The following MALRD1 variants were observed in gnomAD, a reference collection of about 807,000 sequenced individuals.
MALRD1 encodes MAM and LDL receptor class A domain containing 1, also known as MAM and LDL-receptor class A domain-containing protein 1.
A neutral mutation model predicts 242.1 loss-of-function variants in MALRD1; 247 were observed. That is an observed-to-expected ratio of 1.02 (90% CI 0.92 to 1.13). The LOEUF (loss-of-function observed/expected upper bound fraction) is 1.13, where lower values mean the gene tolerates loss of function less well. Ranked by LOEUF, MALRD1 falls within the 50% of genes most tolerant of loss-of-function variation. MALRD1 has a pLI of 0.00. For missense variants in MALRD1, 2,989 were observed against 2,533.1 expected (o/e 1.18, Z -3.86); for synonymous variants, 995 against 866.6 (o/e 1.15, Z -2.60).
chr10:19,426,154 C>G (rs1483720163), intron 28 of MALRD1, among the ~76,000 whole-genome samples: 2 of 152,100 alleles, frequency 1.3e-5, no homozygotes, highest in African/African-American at 4.8e-5. Context: ...ATGTTAGAAG[C>G]TTTAAATCCT....
chr10:19,218,980 T>C (rs540377353), intron 18 of MALRD1, among the ~76,000 whole-genome samples: 15 of 152,172 alleles, frequency 9.9e-5, no homozygotes, highest in African/African-American at 3.4e-4. Flanking sequence ...AGTAATCTAA[T>C]TATTTTGACT....
At chr10:19,061,104 A>C (rs1197508323) in intron 1 of MALRD1, among the ~76,000 whole-genome samples, 1 of 152,144 alleles carries the variant, frequency 6.6e-6, no homozygotes, top group Non-Finnish European at 1.5e-5. Flanking sequence ...AACAACACAC[A>C]CTGGGGCCTG....
intron 1 of MALRD1, chr10:19,051,449 T>A (rs752324783): frequency 5.9e-6 from 1 of 168,158 alleles, no homozygotes; most frequent in African/African-American, 2.4e-5. Context: ...TGGACAGGGA[T>A]GCAAGATGGC....
In MALRD1 at chr10:19,099,763, A is replaced by ATATATT. The variant is rs1554788439; in HGVS notation, c.598-4215_598-4214insATATTT. 1.5e-3 allele frequency among the ~76,000 whole-genome samples: 230 copies of ATATATT among 149,322 alleles called. 5 individuals are homozygous for ATATATT. The East Asian group carries it at 0.038, about 25-fold the overall frequency. On this transcript the variant is annotated intron_variant, in intron 4 of 39. Transcript: ENST00000454679. ...CTCCATAGAACCTATATATATATAT[A>ATATATT]TTTTTTTTAATTTTTTTTGCCAGAT... is the stretch of plus-strand genomic sequence containing the variant.
intron 32 of MALRD1, among the ~76,000 whole-genome samples, chr10:19,541,038 A>G (rs1010154651): frequency 2.0e-5 from 3 of 152,244 alleles, no homozygotes; most frequent in Non-Finnish European, 4.4e-5. Flanking sequence ...CAATAGAAAC[A>G]TCAGGCCTTT....
At chr10:19,250,688 T>G (rs1278252725) in intron 18 of MALRD1, among the ~76,000 whole-genome samples, 2 of 151,958 alleles carry the variant, frequency 1.3e-5, no homozygotes, top group African/African-American at 2.4e-5. Flanking sequence ...TTGTGAATCC[T>G]TTAAAAACCG....
chr10:19,608,086 A>G (rs960849540), intron 35 of MALRD1, among the ~76,000 whole-genome samples, 184 bp downstream of exon 35: 1 of 152,128 alleles, frequency 6.6e-6, no homozygotes, highest in Admixed American at 6.6e-5. Context: ...TATTATAAAC[A>G]TATAATGGGC....
chr10:19,166,225 T>A (rs1454852267), intron 13 of MALRD1, among the ~76,000 whole-genome samples: 1 of 152,198 alleles, frequency 6.6e-6, no homozygotes, highest in East Asian at 1.9e-4. Context: ...GGCTGTAATA[T>A]TTTAATCCTA....
chr10:19,146,131 C>G, intron 10 of MALRD1, 67 bp from the exon 11 acceptor site: 1 of 1,150,766 alleles, frequency 8.7e-7, no homozygotes, highest in Non-Finnish European at 1.1e-6. Context: ...GATTAGCTAG[C>G]GTAGAGCAGT....
intron 38 of MALRD1, among the ~76,000 whole-genome samples, chr10:19,699,261 G>C (rs1387038803): frequency 7.0e-6 from 1 of 142,896 alleles, no homozygotes; most frequent in Non-Finnish European, 1.5e-5. Flanking sequence ...TGGGAAGGGA[G>C]AAAATTGTAC....
intron 38 of MALRD1, among the ~76,000 whole-genome samples, chr10:19,701,752 C>G (rs1226353165): frequency 7.8e-6 from 1 of 128,368 alleles, no homozygotes; most frequent in Admixed American, 8.3e-5. Context: ...CCCTCCCTTC[C>G]TCTCCCTTCC....
In MALRD1 at chr10:19,454,405, GAT is replaced by G. The variant is rs141643131; in HGVS notation, c.5029+3941_5029+3942del. 5.4e-3 allele frequency among the ~76,000 whole-genome samples: 435 copies of G among 80,446 alleles called. 15 individuals carry two copies. The highest frequency in any genetic ancestry group is 0.051 in the Middle Eastern group (7 of 138). The allele number at this position is 80,446 out of a possible 152,430, so 52.8% of individuals were successfully genotyped here. On this transcript the variant is annotated intron_variant, in intron 29 of 39. Transcript: ENST00000454679. ...ATGAGGAAAGGTAGATTATGCATATGATATATATATATATATATATATATATA... is the reference window on the plus strand; with the variant it reads ...ATGAGGAAAGGTAGATTATGCATATGATATATATATATATATATATATATA...
chr10:19,272,966 A>G (rs949446373), intron 19 of MALRD1, among the ~76,000 whole-genome samples: 4 of 152,100 alleles, frequency 2.6e-5, no homozygotes, highest in African/African-American at 9.7e-5. Context: ...AATGTTTGCT[A>G]TTGTAAATAG....
chr10:19,311,655 C>T (rs10734007), intron 21 of MALRD1, among the ~76,000 whole-genome samples: 118,134 of 151,260 alleles, frequency 0.78, 46,582 homozygotes, highest in African/African-American at 0.88. Flanking sequence ...ATAATCAACA[C>T]TGTTTCAAAG....
At chr10:19,641,226 G>A (rs1329680924) in intron 36 of MALRD1, among the ~76,000 whole-genome samples, 3 of 152,074 alleles carry the variant, frequency 2.0e-5, no homozygotes, top group Admixed American at 6.6e-5. Flanking sequence ...AGTTAGCATT[G>A]AAAACCTCAT....
intron 28 of MALRD1, among the ~76,000 whole-genome samples, chr10:19,437,265 T>C (rs1276810575): frequency 1.3e-5 from 2 of 152,120 alleles, no homozygotes; most frequent in African/African-American, 2.4e-5. Flanking sequence ...TTTTGTTTCT[T>C]CTTTTTATTT....
intron 31 of MALRD1, among the ~76,000 whole-genome samples, chr10:19,507,262 A>G (rs926732627): frequency 1.1e-4 from 16 of 152,232 alleles, no homozygotes; most frequent in Admixed American, 5.2e-4. Context: ...TATCCAAACT[A>G]TATCACCATG....
rs1841649326 is a variant in MALRD1 at position 19,295,445 on chromosome 10, T to G, written c.3419+12264T>G. 2.1e-5 allele frequency among the ~76,000 whole-genome samples: 3 copies of G among 140,536 alleles called. No homozygotes were observed. In the South Asian group the frequency reaches 6.7e-4, roughly 31 times the overall value. The allele number at this position is 140,536 out of a possible 152,430, so 92.2% of individuals were successfully genotyped here. A position where few individuals can be genotyped will look rare whatever the true frequency, so the allele number is the denominator to read the frequency against. On this transcript the variant is annotated intron_variant, in intron 21 of 39. Coordinates refer to ENST00000454679, the MANE Select transcript of MALRD1 (RefSeq NM_001142308.3). The stretch of plus-strand genomic sequence containing the variant: ...ATGAAGTTCACCATTTTTTATGCCT[T>G]GCCCAAGTATGTTTTGGGTGTGTGT...
In MALRD1 at chr10:19,278,750, C is replaced by T. The variant is rs117217045; in HGVS notation, c.3080-1297C>T. On this transcript the variant is annotated intron_variant, in intron 19 of 39. Transcript: ENST00000454679. ...ACTTGTGTTCTGTGCAAAAAATGCA[C>T]GAGGAGAGAAGGAAAGACACACACA... Among the ~76,000 whole-genome samples, 1,029 of 151,880 alleles carry T rather than the reference C, an allele frequency of 6.8e-3. 8 individuals carry two copies. The highest frequency in any genetic ancestry group is 0.024 in the South Asian group (114 of 4,820).
Sources: gnomAD v4.1 joint callset for allele counts (sites outside exome capture counted in the v4.1 genomes callset) on GRCh38, gnomAD v4.1.1 for gene constraint, MANE v1.5 for transcripts, NCBI Gene and HGNC (gene_info 2026-07-23, HGNC 2026-07-21) for gene names.